Variants in TSHZ2 observed in about 807,000 individuals in gnomAD.
The protein encoded by TSHZ2 is teashirt homolog 2.
TSHZ2 carries 21 observed loss-of-function variants against 74.4 expected under a neutral mutation model. That is an observed-to-expected ratio of 0.28 (90% CI 0.20 to 0.41). TSHZ2 has a LOEUF of 0.41. TSHZ2 is among the 10% of genes least tolerant of loss of function. The pLI is 1.00. For missense variants in TSHZ2, 1,244 were observed against 1,293.5 expected, an observed-to-expected ratio of 0.96 and a Z score of 0.59; for synonymous variants, 540 against 515.3, an observed-to-expected ratio of 1.05 and a Z score of -0.65.
chr20:53,227,474 ACAC>A (rs1989711799), intron 1 of TSHZ2, among the ~76,000 whole-genome samples: 1 of 151,324 alleles, frequency 6.6e-6, no homozygotes, highest in African/African-American at 2.4e-5. Context: ...ACACACACAC[ACAC>A]ACACACACAC....
intron 1 of TSHZ2, among the ~76,000 whole-genome samples, chr20:53,240,721 T>TGATTGATAGATA (rs1990043339): frequency 6.9e-6 from 1 of 145,042 alleles, no homozygotes; most frequent in Admixed American, 7.0e-5. Context: ...GATAGATAGA[T>TGATTGATAGATA]GATAGATAGA....
At chr20:53,171,829 A>C (rs1464493874) in intron 1 of TSHZ2, among the ~76,000 whole-genome samples, 2 of 152,198 alleles carry the variant, frequency 1.3e-5, no homozygotes, top group Non-Finnish European at 2.9e-5. Flanking sequence ...TTTCTTAAAC[A>C]AAGGAAGAAA....
intron 1 of TSHZ2, among the ~76,000 whole-genome samples, chr20:53,175,237 G>A (rs1222581680): frequency 6.9e-6 from 1 of 144,346 alleles, no homozygotes; most frequent in Non-Finnish European, 1.5e-5. Flanking sequence ...CTCTTCCCAG[G>A]TTAAAGCAAT....
At chr20:53,389,109 C>T (rs73913720) in intron 2 of TSHZ2, among the ~76,000 whole-genome samples, 5,564 of 152,252 alleles carry the variant, frequency 0.037, 328 homozygotes, top group African/African-American at 0.12. Flanking sequence ...TTTTCCTCAT[C>T]AGTTATGGGA....
intron 1 of TSHZ2, among the ~76,000 whole-genome samples, chr20:53,228,136 A>ACT (rs2123661893): frequency 6.7e-6 from 1 of 150,348 alleles, no homozygotes; most frequent in East Asian, 2.0e-4. Context: ...ACACACACAC[A>ACT]CACACACTCA....
intron 1 of TSHZ2, among the ~76,000 whole-genome samples, chr20:53,003,641 T>G (rs1345853404): frequency 2.0e-5 from 3 of 152,204 alleles, no homozygotes; most frequent in African/African-American, 7.2e-5. Flanking sequence ...CATTCTTCCC[T>G]ATCCACTACA....
intron 2 of TSHZ2, among the ~76,000 whole-genome samples, chr20:53,262,081 A>G (rs951728669): frequency 6.6e-6 from 1 of 152,070 alleles, no homozygotes; most frequent in Non-Finnish European, 1.5e-5. Context: ...TGGCTTGGGG[A>G]GGATTTTTTT....
In TSHZ2 at chr20:53,113,505, G is replaced by C. The variant is rs192236132; in HGVS notation, c.41-139994G>C. Among the ~76,000 whole-genome samples the C allele has an allele frequency of 1.4e-4, 22 of 152,206 alleles. No individual in the cohort carries two copies. In the East Asian group the frequency reaches 4.1e-3, roughly 28 times the overall value. On this transcript the variant is annotated intron_variant, in intron 1 of 2. Transcript: ENST00000371497. ...TCTAACATTTACCTGATTGCTACTT[G>C]CCGATGCTGTGTGTTGGCATGTATC...
chr20:53,285,076 G>A (rs1991139801), intron 2 of TSHZ2, among the ~76,000 whole-genome samples: 1 of 152,208 alleles, frequency 6.6e-6, no homozygotes, highest in African/African-American at 2.4e-5. Context: ...GCATTGCCCA[G>A]ACTTTGGGTG....
chr20:53,099,914 C>T (rs1380955635), intron 1 of TSHZ2, among the ~76,000 whole-genome samples: 2 of 152,170 alleles, frequency 1.3e-5, no homozygotes, highest in Non-Finnish European at 2.9e-5. Flanking sequence ...TACTTCTCCT[C>T]TACACACTAA....
At chr20:53,399,302 G>T (rs1982567021) in intron 2 of TSHZ2, 1 of 152,130 alleles carries the variant, frequency 6.6e-6, no homozygotes, top group African/African-American at 2.4e-5. Flanking sequence ...GGTGTATCCT[G>T]GGAGAAAGAG....
intron 1 of TSHZ2, among the ~76,000 whole-genome samples, chr20:53,037,539 T>A (rs1034993379): frequency 6.6e-6 from 1 of 152,174 alleles, no homozygotes; most frequent in Non-Finnish European, 1.5e-5. Flanking sequence ...TCTAATTAAG[T>A]ATTTCTGTAT....
At chr20:53,163,436 ATTTTAT>A (rs1289016027) in intron 1 of TSHZ2, among the ~76,000 whole-genome samples, 1 of 90,044 alleles carries the variant, frequency 1.1e-5, no homozygotes, top group Non-Finnish European at 2.1e-5. Context: ...AGAGCCTTTT[ATTTTAT>A]TTTATTTTAT....
chr20:53,323,636 T>C (rs116924252), intron 2 of TSHZ2, among the ~76,000 whole-genome samples: 1,690 of 129,326 alleles, frequency 0.013, 18 homozygotes, highest in Middle Eastern at 0.075. Flanking sequence ...AGTGCTGTGG[T>C]GCAATCTCTG....
At chr20:53,478,403 A>T (rs1046987384) in intron 2 of TSHZ2, among the ~76,000 whole-genome samples, 28 of 151,656 alleles carry the variant, frequency 1.8e-4, no homozygotes, top group Non-Finnish European at 5.9e-5. Context: ...TCAGTAAACT[A>T]TCGCAAGAAC....
intron 1 of TSHZ2, among the ~76,000 whole-genome samples, chr20:52,981,045 A>T (rs1981547894): frequency 6.6e-6 from 1 of 152,246 alleles, no homozygotes; most frequent in African/African-American, 2.4e-5. Flanking sequence ...GAAATGCCAA[A>T]ATGAAAAGCC....
chr20:53,197,119 G>A (rs1988890224), intron 1 of TSHZ2, among the ~76,000 whole-genome samples: 4 of 152,144 alleles, frequency 2.6e-5, no homozygotes, highest in African/African-American at 9.7e-5. Context: ...TTAAACAGTT[G>A]TATATACTTT....
intron 1 of TSHZ2, among the ~76,000 whole-genome samples, chr20:52,982,284 A>C (rs1008118454): frequency 1.2e-4 from 19 of 152,180 alleles, no homozygotes; most frequent in Non-Finnish European, 2.5e-4. Flanking sequence ...AAGTCCATGC[A>C]TTTAATTTAT....
At chr20:53,379,610 G>A (rs1456048180) in intron 2 of TSHZ2, among the ~76,000 whole-genome samples, 1 of 152,130 alleles carries the variant, frequency 6.6e-6, no homozygotes, top group African/African-American at 2.4e-5. Context: ...AGTCTCTTGG[G>A]ATGTCTTTGC....
Sources: gnomAD v4.1 joint callset for allele counts (sites outside exome capture counted in the v4.1 genomes callset) on GRCh38, gnomAD v4.1.1 for gene constraint, MANE v1.5 for transcripts, NCBI Gene and HGNC (gene_info 2026-07-23, HGNC 2026-07-21) for gene names.